Variants in SH3KBP1 observed in about 807,000 individuals in gnomAD.
SH3KBP1 encodes the protein SH3 domain containing kinase binding protein 1.
A neutral mutation model predicts 50.1 loss-of-function variants in SH3KBP1; 8 were observed. The ratio of observed to expected loss-of-function variants is 0.16; its 90% CI spans 0.09 to 0.29. SH3KBP1 has a LOEUF of 0.29. Ranked by LOEUF, SH3KBP1 falls within the 10% of genes least tolerant of loss-of-function variation. The pLI is 1.00. For synonymous variants in SH3KBP1, 227 were observed against 218.6 expected, an observed-to-expected ratio of 1.04 and a Z score of -0.34; for missense variants, 377 against 535.2, an observed-to-expected ratio of 0.70 and a Z score of 2.92.
chrX:19,623,629 A>T (rs2067919728), intron 8 of SH3KBP1, among the ~76,000 whole-genome samples: 1 of 112,501 alleles, frequency 8.9e-6, no homozygotes, highest in African/African-American at 3.2e-5. Flanking sequence ...GGTTGCAGTG[A>T]GCCAAGATCA....
intron 2 of SH3KBP1, among the ~76,000 whole-genome samples, chrX:19,760,842 G>A (rs1023889052): frequency 5.4e-5 from 6 of 110,738 alleles, no homozygotes; most frequent in Non-Finnish European, 1.1e-4. Context: ...TGGGCCAGGG[G>A]CTAAGAAGGG....
intron 16 of SH3KBP1, among the ~76,000 whole-genome samples, chrX:19,538,251 CT>C (rs2147500051): frequency 8.9e-6 from 1 of 112,482 alleles, no homozygotes; most frequent in Admixed American, 9.4e-5. Context: ...ATTGTTCAGG[CT>C]GAAGTGCAGT....
At chrX:19,559,682 A>T (rs2065611811) in intron 13 of SH3KBP1, among the ~76,000 whole-genome samples, 2 of 111,189 alleles carry the variant, frequency 1.8e-5, no homozygotes, top group Non-Finnish European at 3.8e-5. Context: ...ACTCCTTGCA[A>T]ATTATATACC....
At chrX:19,598,711 C>T (rs1001253173) in intron 9 of SH3KBP1, among the ~76,000 whole-genome samples, 2 of 111,169 alleles carry the variant, frequency 1.8e-5, no homozygotes, top group Non-Finnish European at 3.8e-5. Context: ...GATGGGGAAT[C>T]GTAGGTCAAT....
At chrX:19,846,486 G>C (rs1486174459) in intron 1 of SH3KBP1, among the ~76,000 whole-genome samples, 1 of 112,062 alleles carries the variant, frequency 8.9e-6, no homozygotes, top group African/African-American at 3.2e-5. Context: ...AAAATGGCTT[G>C]AGGATGAGTA....
chrX:19,749,531 AAACATTATGC>A (rs2065007676), intron 2 of SH3KBP1, among the ~76,000 whole-genome samples: 1 of 113,239 alleles, frequency 8.8e-6, no homozygotes, highest in African/African-American at 3.2e-5. Context: ...TGAACCTGGA[AAACATTATGC>A]TAAGTGAAAT....
intron 2 of SH3KBP1, among the ~76,000 whole-genome samples, chrX:19,764,899 C>T (rs138577364): frequency 0.023 from 2,421 of 106,767 alleles, 41 homozygotes; most frequent in Middle Eastern, 0.057. Context: ...ACCTCTGCCT[C>T]CCGGGTTCAA....
At chrX:19,623,459 G>A (rs1404410934) in intron 8 of SH3KBP1, among the ~76,000 whole-genome samples, 1 of 112,188 alleles carries the variant, frequency 8.9e-6, no homozygotes, top group Non-Finnish European at 1.9e-5. Flanking sequence ...GCCCAGGCGG[G>A]CGGATCACCC....
intron 1 of SH3KBP1, among the ~76,000 whole-genome samples, chrX:19,870,044 A>G (rs2147533469): frequency 8.9e-6 from 1 of 112,523 alleles, no homozygotes; most frequent in South Asian, 3.6e-4. Context: ...TGGCATGTTC[A>G]AACAATGGAA....
chrX:19,773,070 C>T (rs2065839068), intron 2 of SH3KBP1, among the ~76,000 whole-genome samples: 1 of 111,197 alleles, frequency 9.0e-6, no homozygotes, highest in Non-Finnish European at 1.9e-5. Context: ...CACTGATGCA[C>T]AAGCATAGAG....
At chrX:19,786,841 C>A (rs138224006) in intron 2 of SH3KBP1, among the ~76,000 whole-genome samples, 3 of 111,594 alleles carry the variant, frequency 2.7e-5, no homozygotes, top group Admixed American at 9.5e-5. Context: ...AGGTCCACAG[C>A]GGTAAAAAGC....
chrX:19,648,048 C>G (rs763404824), intron 6 of SH3KBP1: 1 of 374,912 alleles, frequency 2.7e-6, no homozygotes, highest in Non-Finnish European at 5.2e-6. Context: ...ATCTTTTTAA[C>G]TCTTCTCCCT....
At chrX:19,692,217 G>C (rs989531992) in intron 5 of SH3KBP1, among the ~76,000 whole-genome samples, 7 of 111,213 alleles carry the variant, frequency 6.3e-5, no homozygotes, top group African/African-American at 2.0e-4. Flanking sequence ...TTCTTTCCTT[G>C]ATAGACTAGA....
chrX:19,793,425 T>C (rs892167949), intron 2 of SH3KBP1, among the ~76,000 whole-genome samples: 1 of 110,310 alleles, frequency 9.1e-6, no homozygotes. Context: ...GCCTCTTTTC[T>C]AGCCGTGAAG....
chrX:19,714,388 G>A (rs2063851626), intron 3 of SH3KBP1, among the ~76,000 whole-genome samples: 2 of 111,526 alleles, frequency 1.8e-5, no homozygotes, highest in African/African-American at 6.5e-5. Flanking sequence ...TGCTTGAGGG[G>A]ATGGATACCC....
At chrX:19,758,029 A>C (rs1025858310) in intron 2 of SH3KBP1, among the ~76,000 whole-genome samples, 1 of 110,966 alleles carries the variant, frequency 9.0e-6, no homozygotes, top group Non-Finnish European at 1.9e-5. Context: ...ATGTGATATA[A>C]AGTTCAAGAT....
chrX:19,695,077 G>A (rs766514394), intron 5 of SH3KBP1: 43 of 1,161,975 alleles, frequency 3.7e-5, no homozygotes, highest in African/African-American at 8.9e-5. Context: ...CCTGAAGTTC[G>A]TTGTCACCAT....
At chrX:19,554,391 A>AAAATATAATATATATTATATATCATATTC in intron 13 of SH3KBP1, among the ~76,000 whole-genome samples, 1 of 97,254 alleles carries the variant, frequency 1.0e-5, no homozygotes, top group African/African-American at 3.8e-5. Flanking sequence ...ATATCATATT[A>AAAATATAATATATATTATATATCATATTC]AAATATGATA....
At chrX:19,819,985 G>A (rs1364419528) in intron 2 of SH3KBP1, among the ~76,000 whole-genome samples, 1 of 111,708 alleles carries the variant, frequency 9.0e-6, no homozygotes, top group Non-Finnish European at 1.9e-5. Flanking sequence ...TTATTTAGAA[G>A]TGTGTGATTT....
Sources: gnomAD v4.1 joint callset for allele counts (sites outside exome capture counted in the v4.1 genomes callset) on GRCh38, gnomAD v4.1.1 for gene constraint, MANE v1.5 for transcripts, NCBI Gene and HGNC (gene_info 2026-07-23, HGNC 2026-07-21) for gene names.